ATP2B2: variants seen among roughly 807,000 people sequenced by gnomAD.
ATP2B2 encodes the protein plasma membrane calcium-transporting ATPase 2.
A neutral mutation model predicts 120.0 loss-of-function variants in ATP2B2; 15 were observed. The observed-to-expected ratio is 0.12, with a 90% CI of 0.08 to 0.19. The LOEUF (loss-of-function observed/expected upper bound fraction) is 0.19, where lower values mean the gene tolerates loss of function less well. ATP2B2 is among the 10% of genes least tolerant of loss of function. The pLI is 1.00. For missense variants in ATP2B2, 1,045 were observed against 1,719.8 expected (o/e 0.61, Z 6.94); for synonymous variants, 694 against 700.3 (o/e 0.99, Z 0.14).
At chr3:10,410,894 G>T in intron 2 of ATP2B2, 79 bp from the exon 3 acceptor site, 1 of 1,524,852 alleles carries the variant, frequency 6.6e-7, no homozygotes, top group East Asian at 2.3e-5. Flanking sequence ...GGGCAGAAAA[G>T]GAGAAACAGA....
At chr3:10,617,105 GT>G (rs1340917254) in intron 2 of ATP2B2, among the ~76,000 whole-genome samples, 1 of 152,190 alleles carries the variant, frequency 6.6e-6, no homozygotes, top group South Asian at 2.1e-4. Flanking sequence ...CATTGGCATT[GT>G]TTCCTATTGT....
In ATP2B2 at chr3:10,326,906, G is replaced by C; in HGVS notation, c.*1908C>G. On this transcript the variant is annotated 3_prime_UTR_variant, in exon 23 of 23. Transcript: ENST00000360273. ...TGTGGAAGAGTTCTCTGGGCCTGGAGAAGGGAAGGGGCTGGGCTGACACAG... is the reference window on the plus strand; with the variant it reads ...TGTGGAAGAGTTCTCTGGGCCTGGACAAGGGAAGGGGCTGGGCTGACACAG... The C allele has an allele frequency of 2.5e-6, 1 of 398,956 alleles. No individual in the cohort carries two copies. Among genetic ancestry groups the C allele is most frequent in the South Asian group, 1.3e-4 (1 of 7,832 alleles). 24.7% of individuals were successfully genotyped at this position (398,956 alleles called of 1,614,324 possible).
chr3:10,643,638 C>G (rs1444616504), intron 1 of ATP2B2, among the ~76,000 whole-genome samples: 2 of 152,160 alleles, frequency 1.3e-5, no homozygotes. Flanking sequence ...CAAGAGGAAA[C>G]AGACAAACCC....
chr3:10,545,856 A>G (rs2067534171), intron 2 of ATP2B2, among the ~76,000 whole-genome samples: 1 of 152,230 alleles, frequency 6.6e-6, no homozygotes, highest in Non-Finnish European at 1.5e-5. Flanking sequence ...CATGTTTTCA[A>G]GTAATTTTTA....
intron 2 of ATP2B2, among the ~76,000 whole-genome samples, chr3:10,580,995 T>A (rs1288202853): frequency 1.3e-5 from 2 of 152,224 alleles, no homozygotes; most frequent in Non-Finnish European, 2.9e-5. Context: ...ATAGATTAAG[T>A]ACAGGCTATG....
At chr3:10,670,987 A>G (rs1194253582) in intron 1 of ATP2B2, among the ~76,000 whole-genome samples, 1 of 152,212 alleles carries the variant, frequency 6.6e-6, no homozygotes, top group Non-Finnish European at 1.5e-5. Context: ...AGTTTTCTGC[A>G]TTGAGTGGGA....
chr3:10,335,182 G>A (rs2060084054), intron 22 of ATP2B2, among the ~76,000 whole-genome samples: 3 of 152,158 alleles, frequency 2.0e-5, no homozygotes, highest in African/African-American at 7.2e-5. Context: ...GATAAAGGAG[G>A]GCAGGATGCT....
intron 1 of ATP2B2, among the ~76,000 whole-genome samples, chr3:10,453,275 T>C (rs2064130313): frequency 6.6e-6 from 1 of 152,226 alleles, no homozygotes. Context: ...TCATAGATGT[T>C]ATGAGGCTTA....
At chr3:10,598,552 C>G (rs925803580) in intron 2 of ATP2B2, among the ~76,000 whole-genome samples, 2 of 152,324 alleles carry the variant, frequency 1.3e-5, no homozygotes, top group Middle Eastern at 3.4e-3. Flanking sequence ...GAATGCCACC[C>G]TGAGGCTACA....
At chr3:10,582,956 A>C (rs978756123) in intron 2 of ATP2B2, among the ~76,000 whole-genome samples, 12 of 152,246 alleles carry the variant, frequency 7.9e-5, no homozygotes, top group Admixed American at 7.2e-4. Flanking sequence ...GGTACTTAGT[A>C]AATGTTTAAT....
At chr3:10,415,343 G>A (rs912136208) in intron 2 of ATP2B2, among the ~76,000 whole-genome samples, 1 of 152,158 alleles carries the variant, frequency 6.6e-6, no homozygotes, top group Non-Finnish European at 1.5e-5. Flanking sequence ...AGACGTTCTG[G>A]AGAGGAAGAC....
chr3:10,615,122 A>T (rs1168888734), intron 2 of ATP2B2, among the ~76,000 whole-genome samples: 1 of 152,080 alleles, frequency 6.6e-6, no homozygotes, highest in African/African-American at 2.4e-5. Context: ...GGCAGGAAGC[A>T]CCCTAAACCA....
Position 10,347,562 on chromosome 3 carries a change from G to A in ATP2B2, c.2405-1425C>T, listed in dbSNP as rs1384695082. On this transcript the variant is annotated intron_variant, in intron 16 of 22. Transcript: ENST00000360273. This position sits in a 1 kb window ranked among gnomAD's most constrained non-coding sequence, Gnocchi z 5.2. ...TGCAGTGCCGTGTGTTCTGGGAATC[G>A]TTCTGGGCTGCTCCCACCCAGCTGT... 1.3e-5 allele frequency among the ~76,000 whole-genome samples: 2 copies of A among 152,166 alleles called. No homozygotes were observed. Among genetic ancestry groups the A allele is most frequent in the Non-Finnish European group, 2.9e-5 (2 of 68,024 alleles).
intron 2 of ATP2B2, among the ~76,000 whole-genome samples, chr3:10,413,610 C>T (rs1396147569): frequency 2.0e-5 from 3 of 152,198 alleles, no homozygotes; most frequent in Non-Finnish European, 4.4e-5. Flanking sequence ...CTGGGCTGGC[C>T]ATCTGGGAGA....
chr3:10,416,498 G>A (rs2062785655), intron 2 of ATP2B2, among the ~76,000 whole-genome samples: 1 of 152,238 alleles, frequency 6.6e-6, no homozygotes, highest in Non-Finnish European at 1.5e-5. Context: ...ACATTAAAAA[G>A]TCAATTCCCA....
At chr3:10,520,052 C>G (rs1216894820) in intron 3 of ATP2B2, among the ~76,000 whole-genome samples, 1 of 152,232 alleles carries the variant, frequency 6.6e-6, no homozygotes. Flanking sequence ...CTCATGGTCA[C>G]TGGGACATGC....
At chr3:10,476,694 A>T (rs567339102) in intron 1 of ATP2B2, among the ~76,000 whole-genome samples, 91 of 152,348 alleles carry the variant, frequency 6.0e-4, no homozygotes, top group African/African-American at 1.9e-3. Flanking sequence ...ACGCAAAGCT[A>T]ATTATTCCAG....
At chr3:10,675,013 T>C (rs1002531062) in intron 1 of ATP2B2, among the ~76,000 whole-genome samples, 2 of 152,246 alleles carry the variant, frequency 1.3e-5, no homozygotes. Context: ...TCTTGCAATA[T>C]TGATATTTTG....
chr3:10,704,382 C>A (rs1330564502), intron 1 of ATP2B2, among the ~76,000 whole-genome samples: 3 of 152,142 alleles, frequency 2.0e-5, no homozygotes, highest in African/African-American at 7.2e-5. Flanking sequence ...CTACCTTTTT[C>A]TTCACCCACC....
Sources: allele counts gnomAD v4.1 joint callset (sites outside exome capture counted in the v4.1 genomes callset), GRCh38; gene constraint gnomAD v4.1.1; non-coding constraint Gnocchi (gnomAD v3.1); transcripts MANE v1.5; gene names NCBI Gene and HGNC (gene_info 2026-07-23, HGNC 2026-07-21).